ITGBL1: variants seen among roughly 807,000 people sequenced by gnomAD.
ITGBL1 encodes the protein integrin subunit beta like 1, also known as integrin beta-like protein 1.
ITGBL1 carries 51 observed loss-of-function variants against 68.5 expected under a neutral mutation model. The ratio of observed to expected loss-of-function variants is 0.74; its 90% CI spans 0.59 to 0.94. ITGBL1 has a LOEUF of 0.94. ITGBL1 is among the 40% of genes least tolerant of loss of function. The probability of loss-of-function intolerance (pLI) is 0.00; values close to 1 mark genes in which losing one functional copy is unlikely to be tolerated. For missense variants in ITGBL1, 649 were observed against 647.4 expected, an observed-to-expected ratio of 1.00 and a Z score of -0.03; for synonymous variants, 209 against 227.3, an observed-to-expected ratio of 0.92 and a Z score of 0.72.
At chr13:101,612,205 G>GTCTCTTT (rs2031162596) in intron 7 of ITGBL1, among the ~76,000 whole-genome samples, 1 of 152,186 alleles carries the variant, frequency 6.6e-6, no homozygotes, top group Non-Finnish European at 1.5e-5. Context: ...CCATGTGGAT[G>GTCTCTTT]TTGGTAAATA....
At chr13:101,684,759 C>G (rs527292824) in intron 7 of ITGBL1, among the ~76,000 whole-genome samples, 73 of 151,996 alleles carry the variant, frequency 4.8e-4, no homozygotes, top group Non-Finnish European at 8.1e-4. Flanking sequence ...ATAAATTTAT[C>G]TTTCTCTTAT....
chr13:101,464,552 T>G (rs2048358040), intron 2 of ITGBL1, among the ~76,000 whole-genome samples: 1 of 151,996 alleles, frequency 6.6e-6, no homozygotes, highest in Non-Finnish European at 1.5e-5. Flanking sequence ...TATATGCATA[T>G]GTTTATATAT....
chr13:101,512,306 G>A (rs1028014911), intron 2 of ITGBL1, among the ~76,000 whole-genome samples: 2 of 151,634 alleles, frequency 1.3e-5, no homozygotes, highest in South Asian at 2.1e-4. Context: ...GGGTCCACTC[G>A]TGCTTCTCCT....
At chr13:101,690,376 C>T (rs2033856239) in intron 7 of ITGBL1, among the ~76,000 whole-genome samples, 1 of 152,120 alleles carries the variant, frequency 6.6e-6, no homozygotes, top group Non-Finnish European at 1.5e-5. Context: ...ATGTGAATTA[C>T]TTAAAATTAC....
At chr13:101,464,501 A>T (rs2048356740) in intron 2 of ITGBL1, among the ~76,000 whole-genome samples, 1 of 151,880 alleles carries the variant, frequency 6.6e-6, no homozygotes, top group Non-Finnish European at 1.5e-5. Flanking sequence ...ATGTATACAT[A>T]GAAGACCCAG....
chr13:101,469,286 A>G (rs996488028), intron 2 of ITGBL1, among the ~76,000 whole-genome samples: 1 of 152,228 alleles, frequency 6.6e-6, no homozygotes, highest in Non-Finnish European at 1.5e-5. Flanking sequence ...TTGGAAATGA[A>G]TGGGTGGACC....
intron 7 of ITGBL1, among the ~76,000 whole-genome samples, chr13:101,649,909 G>T (rs776792013): frequency 3.3e-5 from 5 of 152,118 alleles, no homozygotes; most frequent in Non-Finnish European, 5.9e-5. Context: ...TCTCAGGGCT[G>T]GAACCAGATA....
intron 7 of ITGBL1, among the ~76,000 whole-genome samples, chr13:101,633,131 A>G (rs1169383071): frequency 1.3e-5 from 2 of 152,188 alleles, no homozygotes; most frequent in Admixed American, 6.6e-5. Flanking sequence ...TTGTATTTCA[A>G]AGAGTACATG....
chr13:101,614,550 C>T (rs150875474), intron 7 of ITGBL1, among the ~76,000 whole-genome samples: 4 of 152,100 alleles, frequency 2.6e-5, no homozygotes, highest in African/African-American at 9.7e-5. Context: ...AACTGACCAG[C>T]GAATCCATAT....
chr13:101,715,618 T>C lies in ITGBL1; in HGVS notation c.1449T>C (p.Asn483=). 6.2e-7 allele frequency: 1 copy of C among 1,613,400 alleles called. No homozygotes were observed. Among genetic ancestry groups the C allele is most frequent in the South Asian group, 1.1e-5 (1 of 91,072 alleles). Reference sequence around the variant, plus strand: ...AATGCTGGGATGGATGGAATGGAAATGCATGTGAAATCTGGCTTGGCTCAG... The same window carrying C: ...AATGCTGGGATGGATGGAATGGAAACGCATGTGAAATCTGGCTTGGCTCAG... ...NCECWDGWNG[N]ACEIWLGSEY... The change falls in exon 11 of 11, where the codon AAT becomes AAC. Residue 483 remains asparagine, a synonymous_variant. Coordinates refer to ENST00000376180, the MANE Select transcript of ITGBL1 (RefSeq NM_004791.3).
At position 101,567,696 on chromosome 13, in the gene ITGBL1, C is replaced by T; in HGVS notation, c.317-3C>T. ...GTCTGACTAGATGTTGTTCAATCCC[C>T]AGGCCATGGTAAGTGTGACTGTGGC... On this transcript the variant is annotated splice_region_variant and splice_polypyrimidine_tract_variant and intron_variant, in intron 2 of 10. Coordinates refer to ENST00000376180, the MANE Select transcript of ITGBL1 (RefSeq NM_004791.3). 6.2e-7 allele frequency: 1 copy of T among 1,612,170 alleles called. No homozygotes were observed. Among genetic ancestry groups the T allele is most frequent in the Non-Finnish European group, 8.5e-7 (1 of 1,178,944 alleles).
At chr13:101,710,037 G>GAAAAC (rs541177893) in intron 9 of ITGBL1, among the ~76,000 whole-genome samples, 1 of 152,200 alleles carries the variant, frequency 6.6e-6, no homozygotes, top group Admixed American at 6.5e-5. Context: ...GGCATTTCCT[G>GAAAAC]AAAACAAAAC....
chr13:101,575,486 A>T lies in ITGBL1; in HGVS notation c.526A>T (p.Lys176Ter). The change falls in exon 4 of 11, where the codon AAA becomes TAA. Residue 176 changes from lysine (K) to a stop codon, truncating the protein, a stop_gained. Coordinates refer to ENST00000376180, the MANE Select transcript of ITGBL1 (RefSeq NM_004791.3). LOFTEE classifies it high-confidence loss of function. ...AGATGGAAGTGGACTTGTGTATGGT[A>T]AATTTTGTGAGTGTGACGATAGAGA... is the stretch of plus-strand genomic sequence containing the variant. ...NSDGSGLVYGKFCECDDRECI... is the reference protein window; with the variant it reads ...NSDGSGLVYG The T allele has an allele frequency of 6.2e-7, 1 of 1,612,758 alleles. No individual in the cohort carries two copies. The highest frequency in any genetic ancestry group is 1.7e-5 in the Admixed American group (1 of 59,976).
intron 6 of ITGBL1, among the ~76,000 whole-genome samples, chr13:101,592,170 A>G (rs2050666429): frequency 6.6e-6 from 1 of 152,048 alleles, no homozygotes; most frequent in African/African-American, 2.4e-5. Flanking sequence ...TTCTTTGCAA[A>G]CTGTATATTC....
chr13:101,538,352 T>A (rs1006222235), intron 2 of ITGBL1, among the ~76,000 whole-genome samples: 35 of 151,236 alleles, frequency 2.3e-4, no homozygotes, highest in African/African-American at 8.0e-4. Context: ...GTAATGAATA[T>A]GAGGAGGCAT....
chr13:101,477,029 T>A (rs1401794829), intron 2 of ITGBL1, among the ~76,000 whole-genome samples: 2 of 152,086 alleles, frequency 1.3e-5, no homozygotes, highest in African/African-American at 4.8e-5. Flanking sequence ...CATCGATGGC[T>A]GCAAAGTGCA....
intron 8 of ITGBL1, among the ~76,000 whole-genome samples, chr13:101,701,529 C>CA (rs201529783): frequency 0.018 from 2,793 of 151,384 alleles, 39 homozygotes; most frequent in Middle Eastern, 0.034. Context: ...GACTCCATCT[C>CA]AAAAAAATAA....
chr13:101,578,445 A>T (rs1024256037), intron 4 of ITGBL1, among the ~76,000 whole-genome samples: 3 of 152,200 alleles, frequency 2.0e-5, no homozygotes, highest in African/African-American at 7.2e-5. Flanking sequence ...TATAACTACA[A>T]AGATGAGAGT....
chr13:101,688,063 T>A (rs1334864805), intron 7 of ITGBL1, among the ~76,000 whole-genome samples: 5 of 152,042 alleles, frequency 3.3e-5, no homozygotes, highest in African/African-American at 9.7e-5. Flanking sequence ...AATAATAATA[T>A]TATTTAGTAA....
Sources: gnomAD v4.1 joint callset for allele counts (sites outside exome capture counted in the v4.1 genomes callset) on GRCh38, gnomAD v4.1.1 for gene constraint, MANE v1.5 for transcripts, NCBI Gene and HGNC (gene_info 2026-07-23, HGNC 2026-07-21) for gene names.